Variants in FGFR2 observed in about 807,000 individuals in gnomAD.
The protein encoded by FGFR2 is fibroblast growth factor receptor 2.
In FGFR2, 19 loss-of-function variants were observed where a neutral mutation model predicts 95.9. The observed-to-expected ratio is 0.20, with a 90% CI of 0.14 to 0.29. The LOEUF is 0.29. Ranked by LOEUF, FGFR2 falls within the 10% of genes least tolerant of loss-of-function variation. FGFR2 has a pLI of 1.00. For synonymous variants in FGFR2, 392 were observed against 393.3 expected, an observed-to-expected ratio of 1.00 and a Z score of 0.04; for missense variants, 707 against 1,056.9, an observed-to-expected ratio of 0.67 and a Z score of 4.59.
chr10:121,479,318 T>C lies in FGFR2; in HGVS notation c.*539A>G, dbSNP rs1844372933. The stretch of plus-strand genomic sequence containing the variant: ...CTCTGCTCGGTGAAAATTAAGAAAT[T>C]ATGTGTAAGAACAGCATTTAGCAAA... On this transcript the variant is annotated 3_prime_UTR_variant, in exon 18 of 18. Coordinates refer to ENST00000358487, the MANE Select transcript of FGFR2 (RefSeq NM_000141.5). The C allele has an allele frequency of 7.6e-6, 2 of 263,598 alleles. No individual in the cohort carries two copies. Among genetic ancestry groups the C allele is most frequent in the Admixed American group, 1.1e-4 (2 of 18,948 alleles). 16.3% of individuals were successfully genotyped at this position (263,598 alleles called of 1,614,324 possible). A position where few individuals can be genotyped will look rare whatever the true frequency, so the allele number is the denominator to read the frequency against.
intron 2 of FGFR2, among the ~76,000 whole-genome samples, chr10:121,569,224 CT>C (rs749808833): frequency 6.1e-4 from 51 of 83,816 alleles, no homozygotes; most frequent in Non-Finnish European, 5.9e-4. Flanking sequence ...CTTTTCTTTT[CT>C]TTTTTTTTTT....
chr10:121,510,110 G>A (rs1564900404), intron 9 of FGFR2, among the ~76,000 whole-genome samples: 1 of 152,146 alleles, frequency 6.6e-6, no homozygotes, highest in Non-Finnish European at 1.5e-5. Context: ...AACCTTCAAA[G>A]GCTTCTGAAG....
At chr10:121,489,492 C>A (rs1845858183) in intron 13 of FGFR2, among the ~76,000 whole-genome samples, 1 of 152,142 alleles carries the variant, frequency 6.6e-6, no homozygotes, top group Non-Finnish European at 1.5e-5. Flanking sequence ...GGAATTGTTC[C>A]ATTAAGTTTA....
At position 121,485,538 on chromosome 10, in the gene FGFR2, A is replaced by G. The variant is rs2133801476; in HGVS notation, c.2058-6T>C. ...TTAACACCCCGAAGGACCAGCTGCA[A>G]CAAAAGGAGAAAGCACGGCATTACT... On this transcript the variant is annotated splice_polypyrimidine_tract_variant and splice_region_variant and intron_variant, in intron 15 of 17. Coordinates refer to ENST00000358487, the MANE Select transcript of FGFR2 (RefSeq NM_000141.5). This position sits in a 1 kb window ranked among gnomAD's most constrained non-coding sequence, Gnocchi z 4.2. 6.2e-7 allele frequency: 1 copy of G among 1,614,114 alleles called. No homozygotes were observed. The highest frequency in any genetic ancestry group is 2.2e-5 in the East Asian group (1 of 44,870).
chr10:121,495,094 T>C (rs550582325), intron 13 of FGFR2, among the ~76,000 whole-genome samples: 1 of 152,294 alleles, frequency 6.6e-6, no homozygotes, highest in African/African-American at 2.4e-5. Flanking sequence ...AAATGTCCCA[T>C]GTTCTGGATC....
chr10:121,480,805 A>T (rs1844575192), intron 17 of FGFR2, among the ~76,000 whole-genome samples: 1 of 152,176 alleles, frequency 6.6e-6, no homozygotes, highest in South Asian at 2.1e-4. Context: ...CTGGTGCTGC[A>T]AAAAGCCCTC....
chr10:121,500,138 C>T (rs1847410101), intron 11 of FGFR2, among the ~76,000 whole-genome samples: 1 of 152,204 alleles, frequency 6.6e-6, no homozygotes, highest in Non-Finnish European at 1.5e-5. Flanking sequence ...TAAAAGAATA[C>T]TGCAGGACGA....
chr10:121,580,116 C>T (rs1036286131), intron 2 of FGFR2, among the ~76,000 whole-genome samples: 1 of 152,208 alleles, frequency 6.6e-6, no homozygotes, highest in Non-Finnish European at 1.5e-5. Flanking sequence ...TCCCACACTG[C>T]GCACTTTCTG....
intron 2 of FGFR2, 165 bp from the exon 3 acceptor site, chr10:121,565,869 G>A: frequency 1.3e-6 from 1 of 744,738 alleles, no homozygotes; most frequent in East Asian, 2.7e-5. Flanking sequence ...CAGGAAGTCA[G>A]GAAGTATCTG....
intron 9 of FGFR2, among the ~76,000 whole-genome samples, chr10:121,504,583 G>A (rs1589782957): frequency 6.6e-6 from 1 of 152,124 alleles, no homozygotes. Flanking sequence ...TGATGGCCAG[G>A]CTATTCAGTG....
chr10:121,481,933 T>C (rs1844780353), intron 17 of FGFR2: 1 of 311,268 alleles, frequency 3.2e-6, no homozygotes, highest in South Asian at 7.2e-5. Flanking sequence ...GCCTCCCCGG[T>C]TCAAGTGACT....
At chr10:121,524,895 T>TA (rs1381133832) in intron 6 of FGFR2, among the ~76,000 whole-genome samples, 1 of 152,130 alleles carries the variant, frequency 6.6e-6, no homozygotes, top group Admixed American at 6.5e-5. Flanking sequence ...AACAAACTGA[T>TA]ATAAAAAGAA....
At chr10:121,544,055 G>T (rs991604090) in intron 5 of FGFR2, among the ~76,000 whole-genome samples, 2 of 152,188 alleles carry the variant, frequency 1.3e-5, no homozygotes, top group African/African-American at 4.8e-5. Context: ...CTTATAGCAA[G>T]GACTGGGACA....
chr10:121,512,665 G>A (rs1849208904), intron 9 of FGFR2, among the ~76,000 whole-genome samples: 2 of 152,094 alleles, frequency 1.3e-5, no homozygotes, highest in South Asian at 2.1e-4. Context: ...GTGGAGCTAG[G>A]ATTACAGGCA....
rs1215036637 is a variant in FGFR2, at chr10:121,498,519, G to C, written c.1648C>G (p.Leu550Val). ...MIGKHKNIINLLGACTQDGPL... is the reference protein window; with the variant it reads ...MIGKHKNIINVLGACTQDGPL... ...CCATCCTGTGTGCAGGCTCCAAGAA[G>C]ATTTATGATATTCTTGTGTTTCCCA... The change falls in exon 12 of 18, where the codon CTT becomes GTT. Residue 550 changes from leucine to valine, a missense_variant. Physicochemically the swap from Leu to Val is conservative, Grantham distance 32. This residue lies in a region of FGFR2 where 194 missense variants were observed against 267.3 expected (regional missense o/e 0.73). Coordinates refer to ENST00000358487, the MANE Select transcript of FGFR2 (RefSeq NM_000141.5). The C allele has an allele frequency of 1.2e-6, 2 of 1,611,006 alleles. No individual in the cohort carries two copies. The highest frequency in any genetic ancestry group is 8.5e-7 in the Non-Finnish European group (1 of 1,177,260).
At chr10:121,534,483 C>T (rs1168381214) in intron 6 of FGFR2, among the ~76,000 whole-genome samples, 1 of 152,024 alleles carries the variant, frequency 6.6e-6, no homozygotes, top group East Asian at 1.9e-4. Context: ...ACCACCTCCA[C>T]CTCCCAGGTT....
At chr10:121,572,484 T>A (rs999358602) in intron 2 of FGFR2, among the ~76,000 whole-genome samples, 1 of 152,116 alleles carries the variant, frequency 6.6e-6, no homozygotes, top group African/African-American at 2.4e-5. Context: ...CTGGGCGTGG[T>A]GGCATGTGCC....
At chr10:121,498,688 G>T in intron 11 of FGFR2, 83 bp from the exon 12 acceptor site, 2 of 1,092,800 alleles carry the variant, frequency 1.8e-6, no homozygotes, top group South Asian at 1.3e-5. Context: ...AGACTTAGTT[G>T]AAACAGCATG....
At chr10:121,575,285 C>T (rs1311885173) in intron 2 of FGFR2, among the ~76,000 whole-genome samples, 1 of 152,160 alleles carries the variant, frequency 6.6e-6, no homozygotes, top group African/African-American at 2.4e-5. Flanking sequence ...AGTGAGTCAC[C>T]GTGTCTCCCA....
Sources: gnomAD v4.1 joint callset for allele counts (sites outside exome capture counted in the v4.1 genomes callset) on GRCh38, gnomAD v4.1.1 for gene constraint, gnomAD v4.1.1 regional missense constraint, Gnocchi (gnomAD v3.1) non-coding constraint, MANE v1.5 for transcripts, NCBI Gene and HGNC (gene_info 2026-07-23, HGNC 2026-07-21) for gene names.